LIN52: variants seen among roughly 807,000 people sequenced by gnomAD.
LIN52 encodes protein lin-52 homolog.
A neutral mutation model predicts 18.5 loss-of-function variants in LIN52; 4 were observed. That is an observed-to-expected ratio of 0.22 (90% CI 0.11 to 0.49). The LOEUF (loss-of-function observed/expected upper bound fraction) is 0.49. Among genes scored for constraint, LIN52 ranks in the 20% least tolerant of loss-of-function variants. The pLI is 0.97. For synonymous variants in LIN52, 34 were observed against 45.5 expected (o/e 0.75, Z 1.02); for missense variants, 102 against 139.5 (o/e 0.73, Z 1.35).
At chr14:74,095,149 G>GTTTT (rs35455851) in intron 2 of LIN52, among the ~76,000 whole-genome samples, 1,225 of 103,696 alleles carry the variant, frequency 0.012, 64 homozygotes, top group African/African-American at 0.04. Context: ...CCAACTAACT[G>GTTTT]TTTTTTTTTT....
intron 5 of LIN52, among the ~76,000 whole-genome samples, chr14:74,157,318 C>T (rs1299075714): frequency 2.0e-5 from 3 of 152,054 alleles, no homozygotes; most frequent in Non-Finnish European, 2.9e-5. Flanking sequence ...TAGGCATGAG[C>T]CACCACACCT....
At chr14:74,086,171 G>A (rs1366418144) in intron 1 of LIN52, among the ~76,000 whole-genome samples, 1 of 152,120 alleles carries the variant, frequency 6.6e-6, no homozygotes, top group Non-Finnish European at 1.5e-5. Context: ...TTTTGCGCTA[G>A]ATTGTAAATT....
At chr14:74,192,057 C>A (rs551208471) in intron 5 of LIN52, among the ~76,000 whole-genome samples, 23 of 152,156 alleles carry the variant, frequency 1.5e-4, no homozygotes, top group Non-Finnish European at 2.9e-4. Context: ...AGTATGCCTT[C>A]ATTCACACAG....
intron 5 of LIN52, among the ~76,000 whole-genome samples, chr14:74,173,452 C>T (rs2061279815): frequency 6.6e-6 from 1 of 152,108 alleles, no homozygotes; most frequent in African/African-American, 2.4e-5. Flanking sequence ...CTCCCAAAGT[C>T]CTGGGAGTAC....
intron 1 of LIN52, among the ~76,000 whole-genome samples, chr14:74,086,665 GAA>G: frequency 6.7e-6 from 1 of 148,340 alleles, no homozygotes; most frequent in Non-Finnish European, 1.5e-5. Flanking sequence ...AGAAAAAAAA[GAA>G]GGAAAAAAAA....
rs45482692 is a variant in LIN52 at position 74,199,324 on chromosome 14, G to A, written c.*347G>A. ...AGCCCCAGGATCTTACGGTTGATTT[G>A]ACTCAGTCATGGCAGTCAGTTGTGA... On this transcript the variant is annotated 3_prime_UTR_variant, in exon 6 of 6. Coordinates refer to ENST00000555028, the MANE Select transcript of LIN52 (RefSeq NM_001024674.3). 6.6e-4 allele frequency: 130 copies of A among 198,352 alleles called. No individual in the cohort carries two copies. Among genetic ancestry groups the A allele is most frequent in the Non-Finnish European group, 1.1e-3 (110 of 97,752 alleles). 12.3% of individuals were successfully genotyped at this position (198,352 alleles called of 1,614,324 possible).
chr14:74,092,336 G>T (rs180815639), intron 2 of LIN52, among the ~76,000 whole-genome samples: 2 of 146,484 alleles, frequency 1.4e-5, no homozygotes, highest in Non-Finnish European at 3.0e-5. Context: ...ACGGAGTTTC[G>T]CTCTAGTTGC....
intron 5 of LIN52, among the ~76,000 whole-genome samples, chr14:74,116,295 TC>T: frequency 6.8e-6 from 1 of 147,876 alleles, no homozygotes; most frequent in Non-Finnish European, 1.5e-5. Context: ...AGAGTGAGAC[TC>T]TGTCTCAAAA....
chr14:74,177,723 AAGCTGAATGACAGCAATTGG>A (rs1283580536), intron 5 of LIN52, among the ~76,000 whole-genome samples: 2 of 152,216 alleles, frequency 1.3e-5, no homozygotes, highest in Non-Finnish European at 2.9e-5. Flanking sequence ...GGGGCATGAA[AAGCTGAATGACAGCAATTGG>A]TCATACCTCT....
intron 5 of LIN52, among the ~76,000 whole-genome samples, chr14:74,172,497 G>C (rs2061276116): frequency 6.6e-6 from 1 of 152,082 alleles, no homozygotes; most frequent in South Asian, 2.1e-4. Flanking sequence ...AATAATTATG[G>C]TTCTTAGCTG....
At chr14:74,146,001 C>T (rs2061151339) in intron 5 of LIN52, among the ~76,000 whole-genome samples, 3 of 152,222 alleles carry the variant, frequency 2.0e-5, no homozygotes, top group Admixed American at 2.0e-4. Flanking sequence ...TGATCTTAAA[C>T]TCCCTCATAG....
At chr14:74,093,152 A>G (rs1753517653) in intron 2 of LIN52, among the ~76,000 whole-genome samples, 3 of 151,332 alleles carry the variant, frequency 2.0e-5, no homozygotes, top group Admixed American at 2.0e-4. Flanking sequence ...GCTTTTCACC[A>G]AGTAGGTTGG....
chr14:74,128,568 T>C (rs1812862391), intron 5 of LIN52, among the ~76,000 whole-genome samples: 1 of 152,226 alleles, frequency 6.6e-6, no homozygotes, highest in African/African-American at 2.4e-5. Flanking sequence ...GTGGAATACA[T>C]CTGTCAAAAC....
chr14:74,175,074 T>C (rs1162012773), intron 5 of LIN52, among the ~76,000 whole-genome samples: 4 of 140,006 alleles, frequency 2.9e-5, no homozygotes, highest in Non-Finnish European at 4.7e-5. Context: ...TTACCATGAG[T>C]GGAACTTATA....
At chr14:74,158,906 T>C (rs912071948) in intron 5 of LIN52, among the ~76,000 whole-genome samples, 1 of 152,250 alleles carries the variant, frequency 6.6e-6, no homozygotes, top group African/African-American at 2.4e-5. Context: ...CAGAATTTTC[T>C]TGCAACTTCT....
chr14:74,157,985 T>C (rs1023097093), intron 5 of LIN52, among the ~76,000 whole-genome samples: 13 of 152,134 alleles, frequency 8.5e-5, no homozygotes, highest in African/African-American at 2.9e-4. Flanking sequence ...TATATTGTTG[T>C]TCAGATTTTC....
intron 4 of LIN52, among the ~76,000 whole-genome samples, chr14:74,098,928 G>A (rs1420865523): frequency 6.6e-6 from 1 of 152,076 alleles, no homozygotes; most frequent in Non-Finnish European, 1.5e-5. Context: ...TATATTGTCA[G>A]TACTATTAAA....
intron 5 of LIN52, among the ~76,000 whole-genome samples, chr14:74,189,067 C>T (rs543974485): frequency 6.6e-6 from 1 of 152,236 alleles, no homozygotes; most frequent in Non-Finnish European, 1.5e-5. Flanking sequence ...GTCTGATTTT[C>T]CTGAGAGTGG....
chr14:74,100,126 C>A (rs1026227479), intron 4 of LIN52, among the ~76,000 whole-genome samples: 1 of 152,032 alleles, frequency 6.6e-6, no homozygotes. Context: ...TATTATAAGT[C>A]GAAATAATGT....
Sources: gnomAD v4.1 joint callset for allele counts (sites outside exome capture counted in the v4.1 genomes callset) on GRCh38, gnomAD v4.1.1 for gene constraint, MANE v1.5 for transcripts, NCBI Gene and HGNC (gene_info 2026-07-23, HGNC 2026-07-21) for gene names.